Variants in CAPS2 observed in about 807,000 individuals in gnomAD.
CAPS2 encodes the protein calcyphosine 2.
A neutral mutation model predicts 86.5 loss-of-function variants in CAPS2; 98 were observed. The ratio of observed to expected loss-of-function variants is 1.13; its 90% CI spans 0.96 to 1.34. CAPS2 has a LOEUF of 1.34. CAPS2 is among the 40% of genes most tolerant of loss of function. The pLI is 0.00. For synonymous variants in CAPS2, 210 were observed against 225.1 expected, an observed-to-expected ratio of 0.93 and a Z score of 0.60; for missense variants, 729 against 686.8, an observed-to-expected ratio of 1.06 and a Z score of -0.69.
intron 1 of CAPS2, among the ~76,000 whole-genome samples, chr12:75,348,441 C>T (rs1335824832): frequency 6.6e-6 from 1 of 152,006 alleles, no homozygotes; most frequent in African/African-American, 2.4e-5. Context: ...CACTTGGAAG[C>T]AAAAACAAGA....
chr12:75,365,326 T>A (rs1264767959), intron 1 of CAPS2: 1 of 152,074 alleles, frequency 6.6e-6, no homozygotes. Flanking sequence ...AAAAAGAATG[T>A]GTGTGTTAGA....
At chr12:75,349,493 A>G (rs2042666127) in intron 1 of CAPS2, among the ~76,000 whole-genome samples, 1 of 152,240 alleles carries the variant, frequency 6.6e-6, no homozygotes, top group Non-Finnish European at 1.5e-5. Flanking sequence ...AAAATAAGAC[A>G]TAAGAAGAAG....
intron 16 of CAPS2, among the ~76,000 whole-genome samples, 164 bp from the exon 17 acceptor site, chr12:75,279,229 T>C (rs1035874809): frequency 7.2e-5 from 11 of 152,020 alleles, no homozygotes; most frequent in Non-Finnish European, 1.6e-4. Context: ...AATTATTTCA[T>C]CTCATTCGAT....
chr12:75,359,756 T>A (rs538728820), intron 1 of CAPS2: 4 of 152,206 alleles, frequency 2.6e-5, no homozygotes, highest in Admixed American at 2.6e-4. Context: ...AATTAATAAA[T>A]CATACTGGAA....
upstream of CAPS2, among the ~76,000 whole-genome samples, chr12:75,331,632 C>T (rs1310316209): frequency 1.3e-5 from 2 of 150,814 alleles, no homozygotes; most frequent in African/African-American, 2.4e-5. Flanking sequence ...GGCGGGATCT[C>T]GGCTCACTGC....
rs566318755 is a variant in CAPS2 at position 75,306,191 on chromosome 12, A to T, written c.660-1315T>A. ...TACCTGAAGTACCGGCCCGGCCCCT[A>T]CGTGGAGCAGCTGGTGTTCCCGGGC... On this transcript the variant is annotated intron_variant, in intron 7 of 16. Coordinates refer to ENST00000393284, the Ensembl canonical transcript of CAPS2. 1.0e-5 allele frequency: 8 copies of T among 766,790 alleles called. No homozygotes were observed. In the Admixed American group the frequency reaches 1.8e-4, roughly 18 times the overall value. The allele number at this position is 766,790 out of a possible 1,614,324, so 47.5% of individuals were successfully genotyped here.
At chr12:75,299,733 T>C (rs2138543118) in intron 9 of CAPS2, 104 bp downstream of exon 9, 1 of 488,178 alleles carries the variant, frequency 2.0e-6, no homozygotes, top group Non-Finnish European at 3.7e-6. Flanking sequence ...TATTTTTATT[T>C]AAATGACACA....
At chr12:75,282,922 C>A (rs2034237974) in intron 15 of CAPS2, among the ~76,000 whole-genome samples, 1 of 152,114 alleles carries the variant, frequency 6.6e-6, no homozygotes, top group African/African-American at 2.4e-5. Context: ...AACCTGACCT[C>A]TATTTCCATG....
At chr12:75,357,210 G>T (rs1005691769) in intron 1 of CAPS2, among the ~76,000 whole-genome samples, 1 of 151,984 alleles carries the variant, frequency 6.6e-6, no homozygotes, top group Non-Finnish European at 1.5e-5. Context: ...AATAAATGCT[G>T]CACTGTTTAC....
chr12:75,296,633 A>G (rs2036941363), intron 11 of CAPS2, among the ~76,000 whole-genome samples: 2 of 152,190 alleles, frequency 1.3e-5, no homozygotes, highest in South Asian at 4.1e-4. Flanking sequence ...GCACATGTGC[A>G]CATTCATGTA....
At position 75,312,867 on chromosome 12, in the gene CAPS2, T is replaced by C. The variant is rs200002317; in HGVS notation, c.640A>G (p.Met214Val). 3.7e-6 allele frequency: 6 copies of C among 1,600,796 alleles called. No homozygotes were observed. The East Asian group carries it at 1.3e-4, about 36-fold the overall frequency. Residue 214 changes from methionine to valine, a missense_variant, in exon 7 of 17, where the codon ATG (methionine) becomes GTG (valine). Physicochemically the swap from Met to Val is conservative, Grantham distance 21 (BLOSUM62 1). Transcript: ENST00000393284. Reference sequence around the variant, plus strand: ...TCTCACCTAGATAAGTGGTCTATCATCACTTGCTCTGCAACAATCTGTTTC... The same window carrying C: ...TCTCACCTAGATAAGTGGTCTATCACCACTTGCTCTGCAACAATCTGTTTC...
intron 11 of CAPS2, among the ~76,000 whole-genome samples, chr12:75,294,357 G>T (rs1350899818): frequency 6.6e-6 from 1 of 152,194 alleles, no homozygotes; most frequent in Non-Finnish European, 1.5e-5. Flanking sequence ...TAATTGTAAT[G>T]TAAGTACTTT....
At chr12:75,312,670 G>A (rs969916030) in intron 7 of CAPS2, among the ~76,000 whole-genome samples, 178 bp downstream of exon 7, 11 of 152,036 alleles carry the variant, frequency 7.2e-5, no homozygotes, top group South Asian at 2.1e-4. Context: ...ATTTCTATTC[G>A]TCTAAGAGTG....
In CAPS2 at chr12:75,316,302, G is replaced by C; in HGVS notation, c.591+10C>G. The C allele has an allele frequency of 1.3e-6, 2 of 1,549,840 alleles. No homozygotes were observed. Among genetic ancestry groups the C allele is most frequent in the South Asian group, 1.2e-5 (1 of 83,782 alleles). On this transcript the variant is annotated intron_variant, in intron 6 of 16. Coordinates refer to ENST00000393284, the Ensembl canonical transcript of CAPS2. Reference sequence around the variant, plus strand: ...GGCTCACCAAATAAGTAAAAATGCTGACAACTTACTGCATCCAATTTTCTT... The same window carrying C: ...GGCTCACCAAATAAGTAAAAATGCTCACAACTTACTGCATCCAATTTTCTT...
At chr12:75,343,426 G>A (rs11180470) in intron 1 of CAPS2, among the ~76,000 whole-genome samples, 44,211 of 151,668 alleles carry the variant, frequency 0.29, 7,969 homozygotes, top group East Asian at 0.45. Context: ...ATCACATTCC[G>A]ATTTATTTGT....
intron 11 of CAPS2, among the ~76,000 whole-genome samples, chr12:75,297,722 C>T (rs2037138651): frequency 6.6e-6 from 1 of 152,176 alleles, no homozygotes; most frequent in South Asian, 2.1e-4. Flanking sequence ...CCAACCTCCA[C>T]CTTGAACTCT....
At chr12:75,297,648 C>A (rs1222369494) in intron 11 of CAPS2, among the ~76,000 whole-genome samples, 1 of 152,142 alleles carries the variant, frequency 6.6e-6, no homozygotes, top group East Asian at 1.9e-4. Context: ...CCAGTGACTC[C>A]CCAATACATG....
intron 1 of CAPS2, chr12:75,373,880 T>G (rs1429598355): frequency 6.6e-6 from 1 of 152,038 alleles, no homozygotes; most frequent in African/African-American, 2.4e-5. Flanking sequence ...CCACTTCCAT[T>G]TGATGATGAA....
At chr12:75,359,273 TATC>T (rs1317817322) in intron 1 of CAPS2, among the ~76,000 whole-genome samples, 2 of 148,582 alleles carry the variant, frequency 1.3e-5, no homozygotes, top group African/African-American at 4.9e-5. Context: ...AACTACATAA[TATC>T]ATGAGAGAAA....
Sources: allele counts gnomAD v4.1 joint callset (sites outside exome capture counted in the v4.1 genomes callset), GRCh38; gene constraint gnomAD v4.1.1; transcripts MANE v1.5; gene names NCBI Gene and HGNC (gene_info 2026-07-23, HGNC 2026-07-21).